Variants in ACYP2 observed in about 807,000 individuals in gnomAD.
ACYP2 encodes acylphosphatase-2.
Under a neutral mutation model 11.2 loss-of-function variants are expected in ACYP2, and 12 were observed. The observed-to-expected ratio is 1.08, with a 90% CI of 0.69 to 1.74. ACYP2 has a LOEUF of 1.74. ACYP2 is among the 40% of genes most tolerant of loss of function. ACYP2 has a pLI of 0.00. For missense variants in ACYP2, 134 were observed against 101.9 expected, an observed-to-expected ratio of 1.31 and a Z score of -1.35; for synonymous variants, 43 against 32.2, an observed-to-expected ratio of 1.33 and a Z score of -1.13.
At chr2:53,976,418 G>A (rs951689485) in intron 2 of ACYP2, among the ~76,000 whole-genome samples, 5 of 152,102 alleles carry the variant, frequency 3.3e-5, no homozygotes, top group Admixed American at 6.6e-5. Context: ...TGTTGCCCGG[G>A]CAGGTCTTGA....
chr2:54,181,493 A>G (rs1683724098), intron 6 of ACYP2, among the ~76,000 whole-genome samples: 1 of 152,202 alleles, frequency 6.6e-6, no homozygotes, highest in South Asian at 2.1e-4. Flanking sequence ...TAGTAGTAGC[A>G]GAATTAAACC....
chr2:54,157,601 T>C (rs1682489571), intron 6 of ACYP2, among the ~76,000 whole-genome samples: 1 of 152,210 alleles, frequency 6.6e-6, no homozygotes, highest in Non-Finnish European at 1.5e-5. Flanking sequence ...CAGGCACTGT[T>C]TTAGGTACTA....
At chr2:53,972,730 C>G (rs1272425535) in intron 1 of ACYP2, among the ~76,000 whole-genome samples, 2 of 152,170 alleles carry the variant, frequency 1.3e-5, no homozygotes, top group Non-Finnish European at 2.9e-5. Context: ...AAATTGAGAG[C>G]TACTTCAGCA....
chr2:54,144,533 G>T (rs542340097), intron 6 of ACYP2, among the ~76,000 whole-genome samples: 2 of 152,078 alleles, frequency 1.3e-5, no homozygotes, highest in South Asian at 2.1e-4. Flanking sequence ...AATTAGCCAG[G>T]CGTGGTGGTA....
intron 6 of ACYP2, among the ~76,000 whole-genome samples, chr2:54,260,372 T>G (rs1470336424): frequency 2.0e-5 from 3 of 152,072 alleles, no homozygotes; most frequent in Non-Finnish European, 4.4e-5. Context: ...ACCTAAAGTA[T>G]TGTCAGACAA....
intron 6 of ACYP2, among the ~76,000 whole-genome samples, chr2:54,163,796 C>T (rs560454916): frequency 6.6e-6 from 1 of 152,046 alleles, no homozygotes; most frequent in African/African-American, 2.4e-5. Flanking sequence ...ACAGAGGTCG[C>T]AGTGGGCCGA....
At chr2:54,115,380 T>C (rs974389173) in intron 4 of ACYP2, 19 of 557,394 alleles carry the variant, frequency 3.4e-5, no homozygotes, top group African/African-American at 3.4e-4. Context: ...TTTACTAACT[T>C]TGAGAACAGA....
chr2:54,247,450 A>G (rs1687009293), intron 6 of ACYP2, among the ~76,000 whole-genome samples: 1 of 152,208 alleles, frequency 6.6e-6, no homozygotes, highest in Non-Finnish European at 1.5e-5. Flanking sequence ...ACACCTCAAA[A>G]TATACTTCAG....
chr2:54,292,306 G>T (rs78242000), intron 6 of ACYP2, among the ~76,000 whole-genome samples: 1 of 151,926 alleles, frequency 6.6e-6, no homozygotes, highest in African/African-American at 2.4e-5. Flanking sequence ...AAAGCTACTA[G>T]CTATGTAGTT....
chr2:54,215,878 G>A (rs1236209711), intron 6 of ACYP2, among the ~76,000 whole-genome samples: 4 of 152,120 alleles, frequency 2.6e-5, no homozygotes, highest in Non-Finnish European at 5.9e-5. Context: ...TTTATATGGA[G>A]TTTGTGCCAA....
At chr2:54,208,413 G>A (rs1170692802) in intron 6 of ACYP2, among the ~76,000 whole-genome samples, 1 of 151,972 alleles carries the variant, frequency 6.6e-6, no homozygotes, top group Non-Finnish European at 1.5e-5. Context: ...GTAAATGGAG[G>A]TTTGTTGTGT....
intron 2 of ACYP2, among the ~76,000 whole-genome samples, chr2:54,007,556 A>C (rs1324306986): frequency 6.6e-6 from 1 of 151,766 alleles, no homozygotes; most frequent in African/African-American, 2.4e-5. Context: ...CCAGCCTTTC[A>C]TGGTTTTTCA....
intron 6 of ACYP2, among the ~76,000 whole-genome samples, chr2:54,266,010 CCT>C (rs1433010306): frequency 6.6e-6 from 1 of 152,128 alleles, no homozygotes; most frequent in Non-Finnish European, 1.5e-5. Context: ...CATAAAAAAA[CCT>C]CAATATATTG....
At chr2:54,256,660 T>C (rs1313181687) in intron 6 of ACYP2, among the ~76,000 whole-genome samples, 3 of 152,212 alleles carry the variant, frequency 2.0e-5, no homozygotes, top group Non-Finnish European at 4.4e-5. Flanking sequence ...ACTTTTCTTT[T>C]GGACTCGTAG....
At chr2:54,027,087 G>T (rs1290720354) in intron 2 of ACYP2, among the ~76,000 whole-genome samples, 1 of 152,136 alleles carries the variant, frequency 6.6e-6, no homozygotes, top group Non-Finnish European at 1.5e-5. Flanking sequence ...ATAGTAGAGT[G>T]AGTTCACATA....
intron 4 of ACYP2, among the ~76,000 whole-genome samples, chr2:54,069,991 C>A (rs1172074198): frequency 6.6e-6 from 1 of 152,114 alleles, no homozygotes; most frequent in Non-Finnish European, 1.5e-5. Context: ...TACATTTGGG[C>A]CAGGCTCAGT....
chr2:54,123,168 A>G (rs760591480), intron 4 of ACYP2: 2 of 392,082 alleles, frequency 5.1e-6, no homozygotes, highest in African/African-American at 4.1e-5. Context: ...GGTAGAAAGT[A>G]GCCAGGAATG....
chr2:54,211,533 C>T (rs1685330179), intron 6 of ACYP2, among the ~76,000 whole-genome samples: 1 of 152,148 alleles, frequency 6.6e-6, no homozygotes, highest in Non-Finnish European at 1.5e-5. Context: ...TTGGGAAGCT[C>T]AGCTTTGGTG....
intron 6 of ACYP2, among the ~76,000 whole-genome samples, chr2:54,170,004 C>A (rs1683158341): frequency 1.3e-5 from 2 of 152,116 alleles, no homozygotes; most frequent in South Asian, 4.1e-4. Context: ...GAAGATGTGA[C>A]TCTTAAACTA....
Sources: gnomAD v4.1 joint callset for allele counts (sites outside exome capture counted in the v4.1 genomes callset) on GRCh38, gnomAD v4.1.1 for gene constraint, MANE v1.5 for transcripts, NCBI Gene and HGNC (gene_info 2026-07-23, HGNC 2026-07-21) for gene names.